The following CCDC171 variants were observed in gnomAD, a reference collection of about 807,000 sequenced individuals.
CCDC171 encodes coiled-coil domain-containing protein 171.
A neutral mutation model predicts 168.2 loss-of-function variants in CCDC171; 177 were observed. That is an observed-to-expected ratio of 1.05 (90% CI 0.93 to 1.19). The LOEUF (loss-of-function observed/expected upper bound fraction) is 1.19, where lower values mean the gene tolerates loss of function less well. CCDC171 is among the 50% of genes most tolerant of loss of function. The pLI is 0.00. For synonymous variants in CCDC171, 687 were observed against 540.8 expected (o/e 1.27, Z -3.75); for missense variants, 1,991 against 1,539.0 (o/e 1.29, Z -4.91).
chr9:16,074,059 T>C, the CCDC171 span, among the ~76,000 whole-genome samples: 1 of 152,176 alleles, frequency 6.6e-6, no homozygotes. Flanking sequence ...AGTTGCTTAG[T>C]ATCACTGGGC....
At position 15,651,258 on chromosome 9, in the gene CCDC171, G is replaced by A. The variant is rs963715405; in HGVS notation, c.823-5869G>A. On this transcript the variant is annotated intron_variant, in intron 7 of 25. Transcript: ENST00000380701. ...TGAGTAGCTGGGATTACAGGTGCCC[G>A]CTACGACACCTAGCTAATTTTTGTA... Among the ~76,000 whole-genome samples, 9 of 151,848 alleles carry A rather than the reference G, an allele frequency of 5.9e-5. No homozygotes were observed. In the South Asian group the frequency reaches 8.3e-4, roughly 14 times the overall value.
At chr9:15,776,662 T>C (rs1233359623) in intron 18 of CCDC171, among the ~76,000 whole-genome samples, 2 of 152,234 alleles carry the variant, frequency 1.3e-5, no homozygotes, top group African/African-American at 4.8e-5. Context: ...GACAGTTCTT[T>C]ATGCCATAGA....
intron 25 of CCDC171, among the ~76,000 whole-genome samples, chr9:15,970,562 C>A (rs569022254): frequency 6.6e-6 from 1 of 152,202 alleles, no homozygotes; most frequent in Admixed American, 6.5e-5. Flanking sequence ...TACTTACCTG[C>A]TTTACTGCTA....
At chr9:15,903,668 C>G (rs1169122346) in intron 24 of CCDC171, among the ~76,000 whole-genome samples, 1 of 152,194 alleles carries the variant, frequency 6.6e-6, no homozygotes, top group Non-Finnish European at 1.5e-5. Flanking sequence ...CGGAAGAAAG[C>G]TGGATGGAGA....
exon 2 of CCDC171, chr9:16,060,944 TTCCC>T (rs1480383641): frequency 6.6e-6 from 1 of 152,228 alleles, no homozygotes; most frequent in African/African-American, 2.4e-5. Context: ...ACCTAGGAAA[TTCCC>T]TGGAAAGTCC....
chr9:15,900,111 A>G (rs938423479), intron 24 of CCDC171, among the ~76,000 whole-genome samples: 10 of 152,192 alleles, frequency 6.6e-5, no homozygotes, highest in Admixed American at 6.5e-4. Flanking sequence ...TCTGCTATAA[A>G]ATTAGTCTTC....
the CCDC171 span, among the ~76,000 whole-genome samples, chr9:16,068,330 A>G: frequency 1.3e-5 from 2 of 152,094 alleles, no homozygotes; most frequent in Non-Finnish European, 2.9e-5. Context: ...ATGGAAGAAC[A>G]TTCAATGCTC....
intron 2 of CCDC171, among the ~76,000 whole-genome samples, chr9:15,569,846 C>CACAAA (rs2040071013): frequency 7.2e-6 from 1 of 139,726 alleles, no homozygotes; most frequent in Non-Finnish European, 1.6e-5. Flanking sequence ...AACAAACAAA[C>CACAAA]AAAAAAAAAA....
In CCDC171 at chr9:15,777,715, G is replaced by A; in HGVS notation, c.2787G>A (p.Arg929=). ...VMECIPLHSS[R]SITYVEKDSL... ...AATGTATACCTCTGCACAGTAGCAG[G>A]AGTATTACATATGTAGAAAAAGATT... Residue 929 remains arginine (R), a synonymous_variant, in exon 19 of 26, where the codon AGG becomes AGA. Coordinates refer to ENST00000380701, the MANE Select transcript of CCDC171 (RefSeq NM_173550.4). 6.2e-7 allele frequency: 1 copy of A among 1,613,766 alleles called. No individual in the cohort carries two copies.
chr9:16,071,858 T>G, the CCDC171 span, among the ~76,000 whole-genome samples: 4 of 152,150 alleles, frequency 2.6e-5, no homozygotes. Flanking sequence ...TACCTGGCTT[T>G]CTAATATCCA....
chr9:16,106,477 A>G, the CCDC171 span, among the ~76,000 whole-genome samples: 1 of 152,148 alleles, frequency 6.6e-6, no homozygotes, highest in South Asian at 2.1e-4. Flanking sequence ...TTCCGGAGCT[A>G]AAGGCAGCAT....
chr9:15,772,998 C>G (rs1290742380), intron 18 of CCDC171, among the ~76,000 whole-genome samples: 1 of 151,864 alleles, frequency 6.6e-6, no homozygotes, highest in Non-Finnish European at 1.5e-5. Context: ...TTATTATTAA[C>G]ATTACTCATT....
chr9:15,704,095 G>C (rs985227257), intron 11 of CCDC171, among the ~76,000 whole-genome samples: 1 of 152,184 alleles, frequency 6.6e-6, no homozygotes, highest in Non-Finnish European at 1.5e-5. Context: ...TGTAAAAATC[G>C]CAATACCTGT....
At chr9:16,039,546 C>G (rs186911885), upstream of CCDC171, among the ~76,000 whole-genome samples, 1 of 152,284 alleles carries the variant, frequency 6.6e-6, no homozygotes, top group East Asian at 1.9e-4. Flanking sequence ...AGTCTAATTT[C>G]CCTGCAGGTC....
At chr9:15,642,940 G>C (rs1025471489) in intron 7 of CCDC171, among the ~76,000 whole-genome samples, 1 of 151,988 alleles carries the variant, frequency 6.6e-6, no homozygotes, top group Non-Finnish European at 1.5e-5. Flanking sequence ...TGAATATTCT[G>C]CATTTAACAA....
chr9:15,686,650 T>C (rs2050414665), intron 10 of CCDC171, among the ~76,000 whole-genome samples: 1 of 151,858 alleles, frequency 6.6e-6, no homozygotes, highest in Non-Finnish European at 1.5e-5. Flanking sequence ...AGAATAAAAA[T>C]GTTACTAGAG....
chr9:16,093,329 C>T, the CCDC171 span, among the ~76,000 whole-genome samples: 2 of 152,182 alleles, frequency 1.3e-5, no homozygotes, highest in Admixed American at 6.5e-5. Context: ...TGATACTGAC[C>T]TTCAGGGGCT....
chr9:15,712,024 G>A (rs1160151247), intron 11 of CCDC171, among the ~76,000 whole-genome samples: 1 of 152,178 alleles, frequency 6.6e-6, no homozygotes, highest in African/African-American at 2.4e-5. Context: ...CCTGAGAACT[G>A]GGAGAGCTGA....
rs143195066 is a variant in CCDC171, at chr9:15,891,002, A to G, written c.3600+16339A>G. ...ATTTTCTCTCTTTCTCTCTTTGCCAATTTGCTTTTCTTCAGGTATATTGAA... is the reference window on the plus strand; with the variant it reads ...ATTTTCTCTCTTTCTCTCTTTGCCAGTTTGCTTTTCTTCAGGTATATTGAA... On this transcript the variant is annotated intron_variant, in intron 24 of 25. Coordinates refer to ENST00000380701, the MANE Select transcript of CCDC171 (RefSeq NM_173550.4). Among the ~76,000 whole-genome samples, 14 of 152,208 alleles carry G rather than the reference A, an allele frequency of 9.2e-5. No individual in the cohort carries two copies. The East Asian group carries it at 2.3e-3, about 25-fold the overall frequency.
Sources: allele counts gnomAD v4.1 joint callset (sites outside exome capture counted in the v4.1 genomes callset), GRCh38; gene constraint gnomAD v4.1.1; transcripts MANE v1.5; gene names NCBI Gene and HGNC (gene_info 2026-07-23, HGNC 2026-07-21).